The following SLC24A1 variants were observed in gnomAD, a reference collection of about 807,000 sequenced individuals.
SLC24A1 encodes sodium/potassium/calcium exchanger 1.
SLC24A1 carries 52 observed loss-of-function variants against 88.1 expected under a neutral mutation model. The observed-to-expected ratio is 0.59, with a 90% confidence interval of 0.47 to 0.74. The LOEUF (loss-of-function observed/expected upper bound fraction) is 0.74, where lower values mean the gene tolerates loss of function less well. Among genes scored for constraint, SLC24A1 ranks in the 30% least tolerant of loss-of-function variants. The probability of loss-of-function intolerance (pLI) is 0.00; values close to 1 mark genes in which losing one functional copy is unlikely to be tolerated. For missense variants in SLC24A1, 1,173 were observed against 1,363.3 expected (o/e 0.86, Z 2.20); for synonymous variants, 455 against 498.0 (o/e 0.91, Z 1.15).
At chr15:65,652,909 TAA>T (rs2075553792) in intron 9 of SLC24A1, 101 bp downstream of exon 9, 2 of 917,120 alleles carry the variant, frequency 2.2e-6, no homozygotes, top group South Asian at 5.1e-5. Context: ...ATACATAGAA[TAA>T]AAGGGCATTT....
chr15:65,646,504 A>C (rs1448227682), intron 6 of SLC24A1, among the ~76,000 whole-genome samples: 4 of 103,546 alleles, frequency 3.9e-5, no homozygotes, highest in African/African-American at 1.5e-4. Context: ...GCCCCTGGCC[A>C]GTATAAACAC....
intron 1 of SLC24A1, among the ~76,000 whole-genome samples, chr15:65,622,733 C>T (rs2074361177): frequency 1.3e-5 from 2 of 149,748 alleles, no homozygotes; most frequent in South Asian, 4.2e-4. Context: ...CCTTTCTGTT[C>T]AGTGCTTTTC....
At chr15:65,630,488 C>G (rs1480408861) in intron 2 of SLC24A1, among the ~76,000 whole-genome samples, 1 of 152,274 alleles carries the variant, frequency 6.6e-6, no homozygotes, top group Admixed American at 6.5e-5. Context: ...CGAGAACCCC[C>G]CCTGCCTCTG....
At position 65,639,708 on chromosome 15, in the gene SLC24A1, G is replaced by T. The variant is rs769656937; in HGVS notation, c.2053+5G>T. 1 of 1,590,184 alleles carries T rather than the reference G, an allele frequency of 6.3e-7. No homozygotes were observed. Among genetic ancestry groups the T allele is most frequent in the African/African-American group, 1.3e-5 (1 of 74,380 alleles). ...GCCTGGACCCCCTGAGGGAAGGTAA[G>T]CAAGGCCTCTCCAGACCTTTGTGGT... On this transcript the variant is annotated splice_donor_5th_base_variant and intron_variant, in intron 4 of 9. Transcript: ENST00000261892.
intron 8 of SLC24A1, 45 bp from the exon 9 acceptor site, chr15:65,652,597 G>T: frequency 1.3e-6 from 2 of 1,588,674 alleles, no homozygotes; most frequent in South Asian, 2.2e-5. Flanking sequence ...GTGCTTGGAT[G>T]TGCCTCAGGT....
At position 65,624,414 on chromosome 15, in the gene SLC24A1, C is replaced by A; in HGVS notation, c.334C>A (p.Pro112Thr). 1 of 1,613,218 alleles carries A rather than the reference C, an allele frequency of 6.2e-7. No homozygotes were observed. Among genetic ancestry groups the A allele is most frequent in the Non-Finnish European group, 8.5e-7 (1 of 1,179,602 alleles). The change falls in exon 2 of 10, where the codon CCC becomes ACC. Residue 112 changes from proline (P) to threonine (T), a missense_variant. Physicochemically the swap from Pro to Thr is conservative, Grantham distance 38. Coordinates refer to ENST00000261892, the MANE Select transcript of SLC24A1 (RefSeq NM_004727.3). Reference sequence around the variant, plus strand: ...ACTGAGCATGACAGTGGAGAATATCCCCAGTATGCCTAAAAGAACAGCCAA... The same window carrying A: ...ACTGAGCATGACAGTGGAGAATATCACCAGTATGCCTAAAAGAACAGCCAA... ...ATLSMTVENI[P>T]SMPKRTAKMI...
Position 65,650,977 on chromosome 15 carries a change from C to T in SLC24A1, c.2793+35C>T. 1 of 1,581,654 alleles carries T rather than the reference C, an allele frequency of 6.3e-7. No individual in the cohort carries two copies. Among genetic ancestry groups the T allele is most frequent in the East Asian group, 2.2e-5 (1 of 44,686 alleles). On this transcript the variant is annotated intron_variant, in intron 7 of 9. Coordinates refer to ENST00000261892, the MANE Select transcript of SLC24A1 (RefSeq NM_004727.3). The surrounding 1 kb of genome is among the most constrained non-coding windows in gnomAD (Gnocchi z 4.1). ...CCCATCTGTATCTCAGACTCTTTATCCCCAGCAGGGCTGTGGGGTCTCTCG... is the reference window on the plus strand; with the variant it reads ...CCCATCTGTATCTCAGACTCTTTATTCCCAGCAGGGCTGTGGGGTCTCTCG...
chr15:65,611,477 T>G lies in SLC24A1; in HGVS notation c.-552T>G, dbSNP rs1596283696. ...GCCCCACTGACCCATGGGCCTCACC[T>G]GGCCCGGTGACTCTGTGTCCGCTTC... On this transcript the variant is annotated 5_prime_UTR_variant, in exon 1 of 12. Transcript: ENST00000537259. 4.4e-5 allele frequency: 20 copies of G among 454,524 alleles called. No individual in the cohort carries two copies. In the South Asian group the frequency reaches 5.0e-4, roughly 11 times the overall value. The allele number at this position is 454,524 out of a possible 1,614,324, so 28.2% of individuals were successfully genotyped here. A position where few individuals can be genotyped will look rare whatever the true frequency, so the allele number is the denominator to read the frequency against.
chr15:65,650,690 T>C lies in SLC24A1; in HGVS notation c.2541T>C (p.Gly847=). Residue 847 remains glycine, a synonymous_variant, in exon 7 of 10, where the codon GGT becomes GGC. Transcript: ENST00000261892. This position sits in a 1 kb window ranked among gnomAD's most constrained non-coding sequence, Gnocchi z 4.1. ...GTGAAGCCAAAAATGATGAGAAAGG[T>C]GTAGAAGATGGAGGGGGAAGTGATG... ...NHGEAKNDEK[G]VEDGGGSDGG... 1 of 1,545,698 alleles carries C rather than the reference T, an allele frequency of 6.5e-7. No individual in the cohort carries two copies. The highest frequency in any genetic ancestry group is 8.7e-7 in the Non-Finnish European group (1 of 1,144,754).
intron 3 of SLC24A1, among the ~76,000 whole-genome samples, chr15:65,639,023 A>G (rs1355809334): frequency 6.6e-6 from 1 of 152,180 alleles, no homozygotes; most frequent in Non-Finnish European, 1.5e-5. Context: ...ACCAAAACAA[A>G]ACTGAAAACT....
downstream of SLC24A1, chr15:65,660,297 G>GT: frequency 6.5e-7 from 1 of 1,535,294 alleles, no homozygotes; most frequent in Non-Finnish European, 8.7e-7. Context: ...GCTGTGAAAT[G>GT]TTTCAGCATG....
At chr15:65,626,403 A>G (rs930730941) in intron 2 of SLC24A1, among the ~76,000 whole-genome samples, 1 of 152,204 alleles carries the variant, frequency 6.6e-6, no homozygotes, top group African/African-American at 2.4e-5. Context: ...TTCCATGTGC[A>G]TGGCGTTCAG....
chr15:65,650,222 T>C lies in SLC24A1; in HGVS notation c.2233-160T>C, dbSNP rs2075449270. On this transcript the variant is annotated intron_variant, in intron 6 of 9. Transcript: ENST00000261892. This position sits in a 1 kb window ranked among gnomAD's most constrained non-coding sequence, Gnocchi z 4.1. ...GCTGGACAGCCACTAGGTAGGAGTGTGGTCATGGGAATTCTGCTGAATTAT... is the reference window on the plus strand; with the variant it reads ...GCTGGACAGCCACTAGGTAGGAGTGCGGTCATGGGAATTCTGCTGAATTAT... 6.6e-6 allele frequency among the ~76,000 whole-genome samples: 1 copy of C among 152,160 alleles called. No individual in the cohort carries two copies.
At chr15:65,656,915 G>A (rs2075701904), downstream of SLC24A1, among the ~76,000 whole-genome samples, 1 of 152,224 alleles carries the variant, frequency 6.6e-6, no homozygotes, top group African/African-American at 2.4e-5. Flanking sequence ...CTGTCACCCA[G>A]GCTAGAGTGC....
At chr15:65,635,465 A>AC (rs1009138052) in intron 2 of SLC24A1, among the ~76,000 whole-genome samples, 2 of 143,718 alleles carry the variant, frequency 1.4e-5, no homozygotes, top group Non-Finnish European at 1.5e-5. Flanking sequence ...AAAAAAAAAA[A>AC]AAAAAGAAAA....
chr15:65,626,806 G>A (rs2074536088), intron 2 of SLC24A1, among the ~76,000 whole-genome samples: 1 of 152,130 alleles, frequency 6.6e-6, no homozygotes, highest in African/African-American at 2.4e-5. Context: ...TTTGGGTTGG[G>A]AGTAACTGGG....
chr15:65,611,673 G>A (rs2073955838), exon 1 of SLC24A1: 1 of 160,110 alleles, frequency 6.2e-6, no homozygotes, highest in Non-Finnish European at 1.4e-5. Context: ...TCCTGGCCGG[G>A]CGTGGTGGTT....
rs564880405 is a variant in SLC24A1, at chr15:65,648,032, G to A, written c.2232+2329G>A. On this transcript the variant is annotated intron_variant, in intron 6 of 9. Coordinates refer to ENST00000261892, the MANE Select transcript of SLC24A1 (RefSeq NM_004727.3). ...TCCCAGCACTTTGGGAGGCCGAGGCGGGCGGATCACGAGCTCAGGAGATCG... is the reference window on the plus strand; with the variant it reads ...TCCCAGCACTTTGGGAGGCCGAGGCAGGCGGATCACGAGCTCAGGAGATCG... Among the ~76,000 whole-genome samples the A allele has an allele frequency of 2.7e-3, 415 of 152,268 alleles. 3 individuals are homozygous for A. In the South Asian group the frequency reaches 0.032, roughly 12 times the overall value.
At chr15:65,649,721 GCATTAT>G (rs1428888294) in intron 6 of SLC24A1, among the ~76,000 whole-genome samples, 1 of 152,044 alleles carries the variant, frequency 6.6e-6, no homozygotes, top group African/African-American at 2.4e-5. Context: ...CAATAAATAG[GCATTAT>G]CATCCTTATT....
Sources: gnomAD v4.1 joint callset for allele counts (sites outside exome capture counted in the v4.1 genomes callset) on GRCh38, gnomAD v4.1.1 for gene constraint, Gnocchi (gnomAD v3.1) non-coding constraint, MANE v1.5 for transcripts, NCBI Gene and HGNC (gene_info 2026-07-23, HGNC 2026-07-21) for gene names.